Variants in RGL1 observed in about 807,000 individuals in gnomAD.
The protein encoded by RGL1 is ral guanine nucleotide dissociation stimulator like 1.
In RGL1, 24 loss-of-function variants were observed where a neutral mutation model predicts 95.2. That is an observed-to-expected ratio of 0.25 (90% CI 0.18 to 0.35). The LOEUF (loss-of-function observed/expected upper bound fraction) is 0.35. RGL1 is among the 10% of genes least tolerant of loss of function. The pLI is 1.00. For synonymous variants in RGL1, 329 were observed against 344.9 expected (o/e 0.95, Z 0.51); for missense variants, 715 against 936.3 (o/e 0.76, Z 3.08).
intron 12 of RGL1, among the ~76,000 whole-genome samples, chr1:183,903,511 A>G (rs1668145574): frequency 6.6e-6 from 1 of 152,136 alleles, no homozygotes. Flanking sequence ...TACTCTCGTT[A>G]TTTTTCAGTA....
chr1:183,708,868 G>A (rs1189049792), intron 1 of RGL1, among the ~76,000 whole-genome samples: 1 of 152,224 alleles, frequency 6.6e-6, no homozygotes, highest in African/African-American at 2.4e-5. Flanking sequence ...AGGACACAAG[G>A]GACGCGGACC....
At chr1:183,658,785 G>A (rs542779821) in intron 1 of RGL1, among the ~76,000 whole-genome samples, 79 of 152,268 alleles carry the variant, frequency 5.2e-4, no homozygotes, top group Non-Finnish European at 9.0e-4. Flanking sequence ...CCTGACCCCC[G>A]AGTAGCCTAA....
intron 2 of RGL1, among the ~76,000 whole-genome samples, chr1:183,812,080 C>G (rs1661758261): frequency 6.6e-6 from 1 of 152,134 alleles, no homozygotes; most frequent in Non-Finnish European, 1.5e-5. Flanking sequence ...TTAAGCTTCC[C>G]CCTTCTAAAT....
At chr1:183,642,236 T>A (rs1558128412) in intron 1 of RGL1, among the ~76,000 whole-genome samples, 2 of 152,194 alleles carry the variant, frequency 1.3e-5, no homozygotes, top group African/African-American at 2.4e-5. Flanking sequence ...ATACGTTTAT[T>A]GTGTGTCAGA....
In RGL1 at chr1:183,650,575, CTAAT is replaced by C. The variant is rs1415901865; in HGVS notation, c.-33+14077_-33+14080del. On this transcript the variant is annotated intron_variant, in intron 1 of 18. Transcript: ENST00000304685. ...AAAACAAAAAACACAATATTCATGG[CTAAT>C]TAGTTTTTTATTATGTAACTGTAAC... Among the ~76,000 whole-genome samples the C allele has an allele frequency of 2.6e-5, 4 of 152,038 alleles. No individual in the cohort carries two copies. The East Asian group carries it at 5.8e-4, about 22-fold the overall frequency.
chr1:183,668,239 C>T (rs1355849354), intron 1 of RGL1, among the ~76,000 whole-genome samples: 1 of 152,182 alleles, frequency 6.6e-6, no homozygotes, highest in Non-Finnish European at 1.5e-5. Flanking sequence ...GTCAGGCTTA[C>T]TGACAACAAA....
chr1:183,868,589 T>C (rs1278950984), intron 4 of RGL1, among the ~76,000 whole-genome samples: 2 of 152,210 alleles, frequency 1.3e-5, no homozygotes, highest in Non-Finnish European at 1.5e-5. Flanking sequence ...TTGAGAATCA[T>C]AGGAGTCTAT....
intron 1 of RGL1, among the ~76,000 whole-genome samples, chr1:183,661,122 A>G (rs1251260980): frequency 6.6e-6 from 1 of 152,184 alleles, no homozygotes; most frequent in African/African-American, 2.4e-5. Context: ...TCCAAAATTG[A>G]CACCCTAACA....
intron 1 of RGL1, chr1:183,709,812 G>A: frequency 5.2e-6 from 1 of 193,326 alleles, no homozygotes; most frequent in Non-Finnish European, 1.1e-5. Flanking sequence ...TGAGGGAGAT[G>A]GACACCTTCA....
intron 3 of RGL1, among the ~76,000 whole-genome samples, chr1:183,855,398 A>G (rs1271986442): frequency 6.9e-6 from 1 of 145,660 alleles, no homozygotes; most frequent in Non-Finnish European, 1.5e-5. Context: ...GATGCGTACA[A>G]TATGTTCCAA....
At chr1:183,671,902 A>G (rs1572255705) in intron 1 of RGL1, among the ~76,000 whole-genome samples, 2 of 150,364 alleles carry the variant, frequency 1.3e-5, no homozygotes, top group South Asian at 2.1e-4. Flanking sequence ...TCTTTGTGAC[A>G]TTTAAGAAAC....
At chr1:183,747,819 G>GTTTCTTTTTT (rs1657737855) in intron 2 of RGL1, among the ~76,000 whole-genome samples, 2 of 152,184 alleles carry the variant, frequency 1.3e-5, no homozygotes, top group Admixed American at 6.5e-5. Context: ...TCTCTGCCAG[G>GTTTCTTTTTT]TGTTGGTATC....
chr1:183,918,342 G>A (rs1290177310), intron 16 of RGL1, among the ~76,000 whole-genome samples: 2 of 152,102 alleles, frequency 1.3e-5, no homozygotes, highest in African/African-American at 4.8e-5. Context: ...GGCTAATAAA[G>A]GAGCACCCGA....
chr1:183,915,373 G>T (rs1026693804), intron 15 of RGL1, among the ~76,000 whole-genome samples: 2 of 152,144 alleles, frequency 1.3e-5, no homozygotes, highest in Admixed American at 6.5e-5. Context: ...TATTTTAAAT[G>T]GTTCAATTTA....
At chr1:183,653,725 G>A (rs1275391023) in intron 1 of RGL1, among the ~76,000 whole-genome samples, 1 of 152,206 alleles carries the variant, frequency 6.6e-6, no homozygotes, top group African/African-American at 2.4e-5. Flanking sequence ...TGTGTTAGCG[G>A]TTTCCCTCCT....
At chr1:183,801,715 C>T (rs886904891), upstream of RGL1, among the ~76,000 whole-genome samples, 6 of 152,228 alleles carry the variant, frequency 3.9e-5, no homozygotes, top group East Asian at 1.9e-4. Context: ...AGAAGCATGA[C>T]GCCAACATCT....
At chr1:183,864,870 A>T (rs2102590378) in intron 3 of RGL1, among the ~76,000 whole-genome samples, 1 of 152,360 alleles carries the variant, frequency 6.6e-6, no homozygotes, top group East Asian at 1.9e-4. Context: ...GTCAAACCAG[A>T]TGGTGGGCTT....
chr1:183,799,482 T>C (rs1660875902), intron 2 of RGL1, among the ~76,000 whole-genome samples: 1 of 152,178 alleles, frequency 6.6e-6, no homozygotes, highest in Non-Finnish European at 1.5e-5. Context: ...TTGTTTGTTT[T>C]TTGATAATGG....
intron 2 of RGL1, among the ~76,000 whole-genome samples, chr1:183,778,686 TC>T (rs1356370952): frequency 7.9e-5 from 12 of 152,172 alleles, no homozygotes; most frequent in Non-Finnish European, 1.8e-4. Flanking sequence ...TATTCCAAAT[TC>T]TCTGTCCTCA....
Sources: gnomAD v4.1 joint callset for allele counts (sites outside exome capture counted in the v4.1 genomes callset) on GRCh38, gnomAD v4.1.1 for gene constraint, MANE v1.5 for transcripts, NCBI Gene and HGNC (gene_info 2026-07-23, HGNC 2026-07-21) for gene names.